The following MYT1L variants were observed in gnomAD, a reference collection of about 807,000 sequenced individuals.
MYT1L encodes myelin transcription factor 1-like protein.
MYT1L carries 12 observed loss-of-function variants against 126.7 expected under a neutral mutation model. The observed-to-expected ratio is 0.09, with a 90% confidence interval of 0.06 to 0.15. The LOEUF is 0.15. Among genes scored for constraint, MYT1L ranks in the 10% least tolerant of loss-of-function variants. The probability of loss-of-function intolerance (pLI) is 1.00; values close to 1 mark genes in which losing one functional copy is unlikely to be tolerated. For missense variants in MYT1L, 979 were observed against 1,585.2 expected (o/e 0.62, Z 6.49); for synonymous variants, 541 against 604.2 (o/e 0.90, Z 1.53).
chr2:2,289,088 G>A (rs929789510), intron 1 of MYT1L, among the ~76,000 whole-genome samples: 13 of 152,298 alleles, frequency 8.5e-5, no homozygotes, highest in African/African-American at 2.6e-4. Flanking sequence ...CGGAGCCCAC[G>A]ATGACACTTG....
chr2:1,796,289 G>A (rs987014887), intron 23 of MYT1L, among the ~76,000 whole-genome samples: 1 of 152,170 alleles, frequency 6.6e-6, no homozygotes. Context: ...AAACATTTCC[G>A]GAAGAAGTGT....
At chr2:2,165,814 T>C (rs1334909900) in intron 3 of MYT1L, among the ~76,000 whole-genome samples, 1 of 151,900 alleles carries the variant, frequency 6.6e-6, no homozygotes, top group East Asian at 1.9e-4. Flanking sequence ...CTTTTATTTT[T>C]CTACTTTGTA....
In MYT1L at chr2:1,894,590, GA is replaced by G. The variant is rs373741938; in HGVS notation, c.2033-2304del. On this transcript the variant is annotated intron_variant, in intron 14 of 24. Transcript: ENST00000647738. ...TAGTGAGGGCTAGCCACTGGTTTAG[GA>G]AAAAAAAAAACATTGCCCACATAAA... 3.3e-3 allele frequency among the ~76,000 whole-genome samples: 463 copies of G among 142,436 alleles called. 3 individuals are homozygous for G. The highest frequency in any genetic ancestry group is 9.5e-3 in the African/African-American group (361 of 38,152). 93.4% of individuals were successfully genotyped at this position (142,436 alleles called of 152,430 possible).
chr2:1,856,236 G>A (rs908740769), intron 18 of MYT1L, among the ~76,000 whole-genome samples: 1 of 152,172 alleles, frequency 6.6e-6, no homozygotes, highest in Non-Finnish European at 1.5e-5. Context: ...AGGCATCTGA[G>A]GAACCCTTGG....
At chr2:2,162,173 C>T (rs187314380) in intron 3 of MYT1L, among the ~76,000 whole-genome samples, 10 of 152,020 alleles carry the variant, frequency 6.6e-5, no homozygotes, top group African/African-American at 2.2e-4. Context: ...CTCCATGGGG[C>T]GCCAGATGAT....
At chr2:2,040,854 TTAAC>T (rs1277950468) in intron 4 of MYT1L, among the ~76,000 whole-genome samples, 12 of 152,220 alleles carry the variant, frequency 7.9e-5, no homozygotes, top group Non-Finnish European at 1.6e-4. Context: ...AAAACTATAA[TTAAC>T]TGGTTTCTAC....
chr2:1,842,868 CTTCCGCTTCCAGGCGCT>C, intron 19 of MYT1L: 1 of 136,630 alleles, frequency 7.3e-6, no homozygotes, highest in African/African-American at 2.8e-5. Flanking sequence ...GTCTGTCCAG[CTTCCGCTTCCAGGCGCT>C]TCCGCTTCCA....
chr2:1,796,401 C>G (rs1207333050), intron 23 of MYT1L, among the ~76,000 whole-genome samples: 4 of 152,170 alleles, frequency 2.6e-5, no homozygotes, highest in Non-Finnish European at 5.9e-5. Context: ...TGCCCATGCC[C>G]GTGCTGACCA....
chr2:1,956,219 A>ATCTATCTATCTG (rs2058353431), intron 8 of MYT1L, among the ~76,000 whole-genome samples: 1 of 132,978 alleles, frequency 7.5e-6, no homozygotes, highest in Non-Finnish European at 1.5e-5. Context: ...CTATCTATCT[A>ATCTATCTATCTG]TCTATCTGTC....
intron 18 of MYT1L, among the ~76,000 whole-genome samples, chr2:1,869,332 G>A (rs183663776): frequency 4.7e-4 from 72 of 152,378 alleles, no homozygotes; most frequent in Middle Eastern, 3.4e-3. Flanking sequence ...GGACGATGGC[G>A]CAGCCGGTTG....
chr2:1,954,590 C>T (rs994790137), intron 8 of MYT1L, among the ~76,000 whole-genome samples: 12 of 152,048 alleles, frequency 7.9e-5, no homozygotes, highest in East Asian at 5.8e-4. Context: ...CAGCAACCAC[C>T]GGGACAACAT....
chr2:2,019,418 A>T (rs2064799372), intron 4 of MYT1L, among the ~76,000 whole-genome samples: 1 of 152,238 alleles, frequency 6.6e-6, no homozygotes, highest in Non-Finnish European at 1.5e-5. Context: ...ATAATTACTC[A>T]GTCTTCGGTA....
At chr2:1,911,346 G>A (rs547462962) in intron 12 of MYT1L, among the ~76,000 whole-genome samples, 1 of 152,082 alleles carries the variant, frequency 6.6e-6, no homozygotes, top group South Asian at 2.1e-4. Flanking sequence ...TAGACTGTAA[G>A]ACAAACTTTA....
intron 18 of MYT1L, among the ~76,000 whole-genome samples, chr2:1,867,837 C>T (rs2045791325): frequency 6.6e-6 from 1 of 152,180 alleles, no homozygotes; most frequent in African/African-American, 2.4e-5. Flanking sequence ...TAATTTGTTT[C>T]CCCAAAACTG....
chr2:2,115,413 A>T (rs2147805836), intron 3 of MYT1L, among the ~76,000 whole-genome samples: 1 of 152,352 alleles, frequency 6.6e-6, no homozygotes, highest in African/African-American at 2.4e-5. Context: ...AACAGGGATT[A>T]AGGGTTCTCT....
rs182591695 is a variant in MYT1L at position 1,796,571 on chromosome 2, T to C, written c.3277-4107A>G. Among the ~76,000 whole-genome samples the C allele has an allele frequency of 2.6e-5, 4 of 151,638 alleles. No individual in the cohort carries two copies. In the East Asian group the frequency reaches 7.8e-4, roughly 30 times the overall value. ...GGCCCTCGCACCAGGAGCTGGGGGG[T>C]TTCTTGTGAATAGCCTGTCCTGAAA... On this transcript the variant is annotated intron_variant, in intron 23 of 24. Transcript: ENST00000647738.
chr2:2,297,147 C>G (rs979258075), intron 1 of MYT1L, among the ~76,000 whole-genome samples: 1 of 152,200 alleles, frequency 6.6e-6, no homozygotes, highest in Non-Finnish European at 1.5e-5. Flanking sequence ...GGGGACCTCC[C>G]GCCTTTGCGA....
intron 5 of MYT1L, among the ~76,000 whole-genome samples, chr2:1,989,072 C>A (rs78547945): frequency 3.3e-5 from 5 of 151,904 alleles, no homozygotes; most frequent in African/African-American, 4.8e-5. Flanking sequence ...TACTTTGGCC[C>A]CAGAGTACAG....
chr2:1,808,933 T>C (rs545712247), intron 22 of MYT1L, 143 bp downstream of exon 22: 5 of 718,092 alleles, frequency 7.0e-6, no homozygotes, highest in Non-Finnish European at 1.2e-5. Flanking sequence ...TGCTTCGCTT[T>C]ATAGATGAGA....
Sources: allele counts gnomAD v4.1 joint callset (sites outside exome capture counted in the v4.1 genomes callset), GRCh38; gene constraint gnomAD v4.1.1; transcripts MANE v1.5; gene names NCBI Gene and HGNC (gene_info 2026-07-23, HGNC 2026-07-21).